The following PMM2 variants were observed in gnomAD, a reference collection of about 807,000 sequenced individuals.
PMM2 encodes phosphomannomutase 2.
In PMM2, 35 loss-of-function variants were observed where a neutral mutation model predicts 33.2. That is an observed-to-expected ratio of 1.06 (90% CI 0.81 to 1.40). The LOEUF (loss-of-function observed/expected upper bound fraction) is 1.40, where lower values mean the gene tolerates loss of function less well. Among genes scored for constraint, PMM2 ranks in the 40% most tolerant of loss-of-function variants. PMM2 has a pLI of 0.00. For synonymous variants in PMM2, 153 were observed against 114.7 expected (o/e 1.33, Z -2.13); for missense variants, 386 against 306.0 (o/e 1.26, Z -1.95).
chr16:8,808,152 C>G lies in PMM2; in HGVS notation c.347+1745C>G, dbSNP rs564749950. On this transcript the variant is annotated intron_variant, in intron 4 of 7. Coordinates refer to ENST00000268261, the MANE Select transcript of PMM2 (RefSeq NM_000303.3). ...AGCGCCTCCTGCTCAGCATCTCCAG[C>G]CAGAGTGCAGGAATGTCCCTTAGCC... 3.4e-4 allele frequency: 52 copies of G among 152,258 alleles called. 1 individual carries two copies. Among genetic ancestry groups the G allele is most frequent in the Middle Eastern group, 3.4e-3 (1 of 294 alleles). 9.4% of individuals were successfully genotyped at this position (152,258 alleles called of 1,614,324 possible). A position where few individuals can be genotyped will look rare whatever the true frequency, so the allele number is the denominator to read the frequency against.
chr16:8,824,574 A>G (rs943563074), intron 7 of PMM2, among the ~76,000 whole-genome samples: 2 of 152,204 alleles, frequency 1.3e-5, no homozygotes, highest in African/African-American at 4.8e-5. Flanking sequence ...AGAAAGTTAA[A>G]CACTTTTTTA....
chr16:8,847,066 G>A (rs946651669), intron 7 of PMM2, among the ~76,000 whole-genome samples: 4 of 152,132 alleles, frequency 2.6e-5, no homozygotes, highest in Non-Finnish European at 5.9e-5. Flanking sequence ...GTTTTGCTGT[G>A]TTAGCCAGGT....
chr16:8,839,672 G>A (rs951003882), intron 7 of PMM2, among the ~76,000 whole-genome samples: 4 of 151,870 alleles, frequency 2.6e-5, no homozygotes, highest in African/African-American at 7.3e-5. Flanking sequence ...TATTGATAGC[G>A]GGCTTGTCTG....
intron 7 of PMM2, among the ~76,000 whole-genome samples, chr16:8,843,386 G>A (rs1442015172): frequency 1.3e-5 from 2 of 152,178 alleles, no homozygotes; most frequent in African/African-American, 4.8e-5. Flanking sequence ...CAGTCAGAGA[G>A]CCTTGGGCCA....
chr16:8,840,613 G>A (rs923418787), intron 7 of PMM2, among the ~76,000 whole-genome samples: 7 of 151,994 alleles, frequency 4.6e-5, no homozygotes, highest in African/African-American at 1.4e-4. Flanking sequence ...ACTGTTCTTC[G>A]AAATACGACT....
intron 1 of PMM2, among the ~76,000 whole-genome samples, chr16:8,798,243 G>A (rs2060590969): frequency 6.6e-6 from 1 of 152,204 alleles, no homozygotes; most frequent in Admixed American, 6.5e-5. Context: ...GGGACTGATA[G>A]ACCAGGATTT....
intron 7 of PMM2, among the ~76,000 whole-genome samples, chr16:8,839,091 G>T (rs528227095): frequency 6.6e-6 from 1 of 151,916 alleles, no homozygotes; most frequent in East Asian, 1.9e-4. Context: ...TTCCAGTACC[G>T]AGAGCAATAG....
chr16:8,802,028 CT>C, intron 2 of PMM2, 118 bp downstream of exon 2: 1 of 717,078 alleles, frequency 1.4e-6, no homozygotes. Flanking sequence ...TTTCTGCTTC[CT>C]TTTTTGGGAA....
intron 7 of PMM2, among the ~76,000 whole-genome samples, chr16:8,846,197 C>G (rs1279271127): frequency 6.6e-6 from 1 of 152,202 alleles, no homozygotes; most frequent in Non-Finnish European, 1.5e-5. Flanking sequence ...TCACCTCCAC[C>G]TGAGGAGGCC....
In PMM2 at chr16:8,848,095, C is replaced by T; in HGVS notation, c.*270C>T. The stretch of plus-strand genomic sequence containing the variant: ...CCAGCCCCCTAGTCTAATACCCACC[C>T]TGATACGTGCAATCATGTAGTTTTG... On this transcript the variant is annotated 3_prime_UTR_variant, in exon 8 of 8. Coordinates refer to ENST00000268261, the MANE Select transcript of PMM2 (RefSeq NM_000303.3). The T allele has an allele frequency of 2.1e-6, 1 of 470,912 alleles. No individual in the cohort carries two copies. The highest frequency in any genetic ancestry group is 3.9e-6 in the Non-Finnish European group (1 of 254,384). 29.2% of individuals were successfully genotyped at this position (470,912 alleles called of 1,614,324 possible).
At chr16:8,842,770 C>G (rs1041710454) in intron 7 of PMM2, among the ~76,000 whole-genome samples, 1 of 152,154 alleles carries the variant, frequency 6.6e-6, no homozygotes, top group Admixed American at 6.6e-5. Flanking sequence ...GTTTTAGAAG[C>G]CTATGCTGTA....
At chr16:8,807,497 T>C (rs1362132127) in intron 4 of PMM2, 1 of 152,362 alleles carries the variant, frequency 6.6e-6, no homozygotes, top group Non-Finnish European at 1.5e-5. Context: ...GTTTTTTGTT[T>C]TGTTTTGTTT....
chr16:8,806,476 G>A, intron 4 of PMM2, 69 bp downstream of exon 4: 1 of 926,268 alleles, frequency 1.1e-6, no homozygotes, highest in Non-Finnish European at 1.8e-6. Flanking sequence ...GCTAATGTGG[G>A]CATTCTCCAA....
chr16:8,799,065 A>G (rs749819273), intron 1 of PMM2, among the ~76,000 whole-genome samples: 2 of 152,078 alleles, frequency 1.3e-5, no homozygotes, highest in Non-Finnish European at 2.9e-5. Flanking sequence ...TCCCCAATTC[A>G]TTTTTTGTAA....
intron 7 of PMM2, among the ~76,000 whole-genome samples, chr16:8,821,629 G>A (rs923413819): frequency 5.9e-5 from 9 of 152,196 alleles, no homozygotes; most frequent in South Asian, 2.1e-4. Context: ...CTTGAAGGCC[G>A]GAGAGGTGAA....
intron 7 of PMM2, among the ~76,000 whole-genome samples, chr16:8,828,968 C>G (rs1223754928): frequency 6.6e-6 from 1 of 152,090 alleles, no homozygotes; most frequent in Non-Finnish European, 1.5e-5. Context: ...CTGGTTGTGC[C>G]TTTGTCTTTG....
At chr16:8,804,031 G>GTTTTTTGTTTTTTTTTTTTTTTTT (rs778630854) in intron 2 of PMM2, among the ~76,000 whole-genome samples, 12 of 87,468 alleles carry the variant, frequency 1.4e-4, no homozygotes, top group Non-Finnish European at 2.1e-4. Context: ...GGTTTTTTTT[G>GTTTTTTGTTTTTTTTTTTTTTTTT]TTTTTTTTTT....
intron 7 of PMM2, among the ~76,000 whole-genome samples, chr16:8,815,218 CTTTTT>C (rs59339190): frequency 1.4e-5 from 2 of 138,498 alleles, no homozygotes; most frequent in African/African-American, 5.3e-5. Context: ...TATTTTCTTT[CTTTTT>C]TTTTTTTTTT....
At chr16:8,810,947 G>T in intron 4 of PMM2, 132 bp from the exon 5 acceptor site, 1 of 705,048 alleles carries the variant, frequency 1.4e-6, no homozygotes. Context: ...ATATTACATA[G>T]CACAGAGCTG....
Sources: allele counts gnomAD v4.1 joint callset (sites outside exome capture counted in the v4.1 genomes callset), GRCh38; gene constraint gnomAD v4.1.1; transcripts MANE v1.5; gene names NCBI Gene and HGNC (gene_info 2026-07-23, HGNC 2026-07-21).